PEX5L: variants seen among roughly 807,000 people sequenced by gnomAD.
PEX5L encodes PEX5-related protein.
In PEX5L, 30 loss-of-function variants were observed where a neutral mutation model predicts 84.0. That is an observed-to-expected ratio of 0.36 (90% confidence interval 0.27 to 0.48). The LOEUF (loss-of-function observed/expected upper bound fraction) is 0.48. Ranked by LOEUF, PEX5L falls within the 20% of genes least tolerant of loss-of-function variation. The pLI, the probability that PEX5L is intolerant of heterozygous loss-of-function variation, is 0.99. For missense variants in PEX5L, 533 were observed against 754.6 expected (o/e 0.71, Z 3.44); for synonymous variants, 270 against 283.1 (o/e 0.95, Z 0.46).
chr3:179,962,369 T>C (rs931870462), intron 2 of PEX5L, among the ~76,000 whole-genome samples: 2 of 152,232 alleles, frequency 1.3e-5, no homozygotes, highest in Non-Finnish European at 2.9e-5. Context: ...TGATGTGAAG[T>C]AACCTGGTGA....
At chr3:179,929,152 G>A (rs1772286688) in intron 2 of PEX5L, among the ~76,000 whole-genome samples, 1 of 152,160 alleles carries the variant, frequency 6.6e-6, no homozygotes. Context: ...ATAATCCTAA[G>A]TGACATGTTT....
Position 179,887,666 on chromosome 3 carries a change from G to C in PEX5L, c.310+7C>G. 1 of 1,547,132 alleles carries C rather than the reference G, an allele frequency of 6.5e-7. No individual in the cohort carries two copies. Among genetic ancestry groups the C allele is most frequent in the Non-Finnish European group, 8.9e-7 (1 of 1,119,226 alleles). Reference sequence around the variant, plus strand: ...AGTTGAGGAACAGTTAAAAGTGAGAGAATTACCAGCTGTATTGGATGTTAC... The same window carrying C: ...AGTTGAGGAACAGTTAAAAGTGAGACAATTACCAGCTGTATTGGATGTTAC... On this transcript the variant is annotated splice_region_variant and intron_variant, in intron 4 of 14. Coordinates refer to ENST00000467460, the MANE Select transcript of PEX5L (RefSeq NM_016559.3).
intron 5 of PEX5L, among the ~76,000 whole-genome samples, chr3:179,877,183 A>G (rs779701832): frequency 2.6e-5 from 4 of 152,214 alleles, no homozygotes; most frequent in Non-Finnish European, 5.9e-5. Context: ...TTCACTTAGC[A>G]CAATATCTTC....
At chr3:179,861,109 A>G (rs1374430270) in intron 7 of PEX5L, among the ~76,000 whole-genome samples, 1 of 152,256 alleles carries the variant, frequency 6.6e-6, no homozygotes, top group Non-Finnish European at 1.5e-5. Context: ...TATTTATTAA[A>G]ACATTAATTT....
intron 3 of PEX5L, among the ~76,000 whole-genome samples, chr3:179,889,234 T>C (rs1756875443): frequency 6.6e-6 from 1 of 152,192 alleles, no homozygotes; most frequent in South Asian, 2.1e-4. Flanking sequence ...AGCAGTCTCA[T>C]AGTTTAGAGC....
chr3:179,899,892 A>G (rs1760725942), intron 2 of PEX5L, among the ~76,000 whole-genome samples: 1 of 152,176 alleles, frequency 6.6e-6, no homozygotes, highest in African/African-American at 2.4e-5. Flanking sequence ...TATGGCCACA[A>G]TTCATAGAAT....
chr3:179,942,125 C>A (rs190355429), intron 2 of PEX5L, among the ~76,000 whole-genome samples: 6 of 152,010 alleles, frequency 3.9e-5, no homozygotes, highest in African/African-American at 1.4e-4. Context: ...CTTTTTACCA[C>A]TGGAGGAAAA....
At chr3:179,808,916 T>C (rs972746828) in intron 12 of PEX5L, among the ~76,000 whole-genome samples, 5 of 150,314 alleles carry the variant, frequency 3.3e-5, no homozygotes, top group Non-Finnish European at 7.4e-5. Flanking sequence ...CTACTAAAAA[T>C]ACAAAAAATT....
Position 179,874,933 on chromosome 3 carries a change from C to T in PEX5L, c.629+421G>A, listed in dbSNP as rs142782393. Among the ~76,000 whole-genome samples, 459 of 151,442 alleles carry T rather than the reference C, an allele frequency of 3.0e-3. 2 individuals are homozygous for T. Among genetic ancestry groups the T allele is most frequent in the African/African-American group, 0.011 (445 of 41,350 alleles). On this transcript the variant is annotated intron_variant, in intron 6 of 14. Transcript: ENST00000467460. ...TACAACTCAGGTGGCCAGATTTTCT[C>T]ATAAGCATCAATGCATTATTCTTAA...
intron 8 of PEX5L, among the ~76,000 whole-genome samples, chr3:179,829,132 A>G (rs1300316240): frequency 6.6e-6 from 1 of 152,202 alleles, no homozygotes; most frequent in Non-Finnish European, 1.5e-5. Context: ...GAAAAAATGA[A>G]AACAGTTAAT....
chr3:180,030,731 A>G lies in PEX5L; in HGVS notation c.21+5848T>C, dbSNP rs1367711627. Among the ~76,000 whole-genome samples the G allele has an allele frequency of 2.0e-5, 3 of 152,172 alleles. No individual in the cohort carries two copies. The East Asian group carries it at 5.8e-4, about 29-fold the overall frequency. On this transcript the variant is annotated intron_variant, in intron 1 of 14. Coordinates refer to ENST00000467460, the MANE Select transcript of PEX5L (RefSeq NM_016559.3). ...CTCCTGGAATTTCCATGATTCATAGATCACCATATGGCATTCTGTTTGGGG... is the reference window on the plus strand; with the variant it reads ...CTCCTGGAATTTCCATGATTCATAGGTCACCATATGGCATTCTGTTTGGGG...
intron 8 of PEX5L, among the ~76,000 whole-genome samples, chr3:179,823,162 T>C (rs932935394): frequency 2.0e-5 from 3 of 152,126 alleles, no homozygotes; most frequent in Non-Finnish European, 4.4e-5. Context: ...AGCTCAAATA[T>C]AAAAGCTGTG....
chr3:179,802,766 A>G (rs1719561527), intron 14 of PEX5L, among the ~76,000 whole-genome samples: 1 of 152,108 alleles, frequency 6.6e-6, no homozygotes, highest in African/African-American at 2.4e-5. Context: ...AATTTTTCCC[A>G]TTAGTGCTAG....
At chr3:180,028,347 C>T (rs1430886356) in intron 1 of PEX5L, among the ~76,000 whole-genome samples, 1 of 152,138 alleles carries the variant, frequency 6.6e-6, no homozygotes, top group African/African-American at 2.4e-5. Flanking sequence ...TTTCAGGGCA[C>T]TTTATTTCAC....
At chr3:179,973,819 G>A (rs755767397) in intron 1 of PEX5L, 8 of 985,354 alleles carry the variant, frequency 8.1e-6, no homozygotes, top group Non-Finnish European at 9.6e-6. Flanking sequence ...ATAGAAGCTG[G>A]CATTTTCCAA....
intron 2 of PEX5L, among the ~76,000 whole-genome samples, chr3:179,924,702 A>C (rs1475794096): frequency 6.6e-6 from 1 of 152,042 alleles, no homozygotes; most frequent in African/African-American, 2.4e-5. Context: ...GATCCTAATA[A>C]TCTCTTAGGA....
At chr3:180,001,540 T>C (rs1183714071) in intron 1 of PEX5L, among the ~76,000 whole-genome samples, 1 of 151,856 alleles carries the variant, frequency 6.6e-6, no homozygotes, top group Non-Finnish European at 1.5e-5. Context: ...TCAAACCATA[T>C]ATTTGTAGCT....
At chr3:179,861,211 T>C (rs1746002883) in intron 7 of PEX5L, among the ~76,000 whole-genome samples, 1 of 152,238 alleles carries the variant, frequency 6.6e-6, no homozygotes, top group Admixed American at 6.5e-5. Flanking sequence ...AAATAGTTGT[T>C]GAAAATACGC....
At chr3:180,025,157 G>A (rs1331293489) in intron 1 of PEX5L, among the ~76,000 whole-genome samples, 1 of 152,192 alleles carries the variant, frequency 6.6e-6, no homozygotes, top group Non-Finnish European at 1.5e-5. Context: ...TTTCAAGTGT[G>A]TAGAAACTTC....
Sources: gnomAD v4.1 joint callset for allele counts (sites outside exome capture counted in the v4.1 genomes callset) on GRCh38, gnomAD v4.1.1 for gene constraint, MANE v1.5 for transcripts, NCBI Gene and HGNC (gene_info 2026-07-23, HGNC 2026-07-21) for gene names.